CFDP1: variants seen among roughly 807,000 people sequenced by gnomAD.
The protein encoded by CFDP1 is heterochromatin-stabilizing protein CFDP1.
A neutral mutation model predicts 40.1 loss-of-function variants in CFDP1; 31 were observed. The ratio of observed to expected loss-of-function variants is 0.77; its 90% CI spans 0.58 to 1.04. The LOEUF (loss-of-function observed/expected upper bound fraction) is 1.04. Among genes scored for constraint, CFDP1 ranks in the 50% least tolerant of loss-of-function variants. CFDP1 has a pLI of 0.00. For synonymous variants in CFDP1, 167 were observed against 120.0 expected, an observed-to-expected ratio of 1.39 and a Z score of -2.56; for missense variants, 423 against 343.4, an observed-to-expected ratio of 1.23 and a Z score of -1.83.
At chr16:75,347,678 C>CAA (rs1030599735) in intron 5 of CFDP1, among the ~76,000 whole-genome samples, 2 of 148,870 alleles carry the variant, frequency 1.3e-5, no homozygotes, top group African/African-American at 4.9e-5. Context: ...GACTCCGTCT[C>CAA]AAAAAAAAAG....
intron 4 of CFDP1, among the ~76,000 whole-genome samples, chr16:75,403,092 C>T (rs374880876): frequency 4.2e-4 from 64 of 152,218 alleles, no homozygotes; most frequent in African/African-American, 1.4e-3. Context: ...AAACAGCAGA[C>T]GCCCTGAATA....
chr16:75,361,489 C>T (rs547557023), intron 5 of CFDP1, among the ~76,000 whole-genome samples: 38 of 152,096 alleles, frequency 2.5e-4, no homozygotes, highest in South Asian at 1.0e-3. Flanking sequence ...TGGTGCCGCA[C>T]GCCTGTAATC....
chr16:75,299,952 G>C lies in CFDP1; in HGVS notation c.809+5072C>G, dbSNP rs1460461509. On this transcript the variant is annotated intron_variant, in intron 6 of 6. Coordinates refer to ENST00000283882, the MANE Select transcript of CFDP1 (RefSeq NM_006324.3). ...AGGAGCACTACACAGAGACAGTGAG[G>C]CTGGGCTGCAGCGAGCTGGGGGAGA... Among the ~76,000 whole-genome samples, 6 of 152,166 alleles carry C rather than the reference G, an allele frequency of 3.9e-5. No individual in the cohort carries two copies. In the East Asian group the frequency reaches 9.7e-4, roughly 24 times the overall value.
At chr16:75,417,443 G>C (rs1209435506) in intron 1 of CFDP1, among the ~76,000 whole-genome samples, 1 of 152,014 alleles carries the variant, frequency 6.6e-6, no homozygotes, top group Non-Finnish European at 1.5e-5. Context: ...ATACTCTTAA[G>C]TTAAACAGAA....
At chr16:75,345,956 T>C (rs1567652181) in intron 5 of CFDP1, among the ~76,000 whole-genome samples, 1 of 152,172 alleles carries the variant, frequency 6.6e-6, no homozygotes, top group Non-Finnish European at 1.5e-5. Flanking sequence ...CTTCTAGATA[T>C]GAGGTCTGAG....
chr16:75,354,381 T>C (rs768899754), intron 5 of CFDP1, among the ~76,000 whole-genome samples: 3 of 152,114 alleles, frequency 2.0e-5, no homozygotes, highest in African/African-American at 7.2e-5. Context: ...GAGAAGAAAG[T>C]TGAAAGAGAT....
chr16:75,356,851 C>T (rs1394302805), intron 5 of CFDP1, among the ~76,000 whole-genome samples: 8 of 152,012 alleles, frequency 5.3e-5, no homozygotes, highest in South Asian at 4.2e-4. Context: ...CTGCAGCTTC[C>T]GCATCAGAAC....
At chr16:75,355,786 C>T (rs866320642) in intron 5 of CFDP1, among the ~76,000 whole-genome samples, 33 of 152,202 alleles carry the variant, frequency 2.2e-4, no homozygotes, top group Admixed American at 6.5e-4. Context: ...TCTCCTGCCA[C>T]CCTGTGAAGA....
At chr16:75,395,296 A>C (rs1248892444) in intron 4 of CFDP1, 87 bp from the exon 5 acceptor site, 1 of 1,374,974 alleles carries the variant, frequency 7.3e-7, no homozygotes, top group Non-Finnish European at 1.0e-6. Context: ...AACTAGAAAA[A>C]GATCCACTCG....
chr16:75,414,781 C>T (rs955001082), intron 1 of CFDP1, 86 bp from the exon 2 acceptor site: 29 of 833,492 alleles, frequency 3.5e-5, no homozygotes, highest in South Asian at 2.5e-4. Flanking sequence ...GCTTTCACAC[C>T]GAGACATTTT....
At chr16:75,351,067 T>A (rs1041514197) in intron 5 of CFDP1, among the ~76,000 whole-genome samples, 2 of 152,116 alleles carry the variant, frequency 1.3e-5, no homozygotes, top group Non-Finnish European at 2.9e-5. Flanking sequence ...ATACATACAA[T>A]AGGTCAATGT....
chr16:75,417,161 C>A (rs1399986931), intron 1 of CFDP1, among the ~76,000 whole-genome samples: 1 of 151,902 alleles, frequency 6.6e-6, no homozygotes, highest in East Asian at 1.9e-4. Context: ...ACAGTGAGAC[C>A]CTGTCTCAAA....
At chr16:75,385,705 C>G (rs1290305517) in intron 5 of CFDP1, among the ~76,000 whole-genome samples, 1 of 152,052 alleles carries the variant, frequency 6.6e-6, no homozygotes, top group Non-Finnish European at 1.5e-5. Flanking sequence ...GACGAGCTAT[C>G]TTTTCAGGTG....
intron 5 of CFDP1, among the ~76,000 whole-genome samples, chr16:75,370,601 G>A (rs961770055): frequency 1.3e-5 from 2 of 152,032 alleles, no homozygotes; most frequent in Admixed American, 6.5e-5. Flanking sequence ...AGTAGCTGAC[G>A]CCTGTAATCC....
At chr16:75,393,780 C>T (rs1029151741) in intron 5 of CFDP1, among the ~76,000 whole-genome samples, 1 of 127,744 alleles carries the variant, frequency 7.8e-6, no homozygotes, top group Non-Finnish European at 1.6e-5. Context: ...AAAAGTGGGG[C>T]CGGGCCCGGT....
At chr16:75,326,836 C>T (rs8050662) in intron 5 of CFDP1, among the ~76,000 whole-genome samples, 129,046 of 152,176 alleles carry the variant, frequency 0.85, 54,868 homozygotes, top group Middle Eastern at 0.91. Context: ...GGGAAAGCAT[C>T]TTTCACCTAT....
intron 5 of CFDP1, among the ~76,000 whole-genome samples, chr16:75,338,473 A>C (rs1194280632): frequency 6.6e-6 from 1 of 152,200 alleles, no homozygotes; most frequent in Non-Finnish European, 1.5e-5. Context: ...CTTAAAGATG[A>C]GCATGATCTG....
chr16:75,297,146 T>TGTGTGTATGTG (rs1491503380), intron 6 of CFDP1, among the ~76,000 whole-genome samples: 1 of 132,988 alleles, frequency 7.5e-6, no homozygotes, highest in Non-Finnish European at 1.6e-5. Context: ...TTCCCATTTC[T>TGTGTGTATGTG]TGTGTGTGTG....
chr16:75,393,608 G>A (rs2078970506), intron 5 of CFDP1, among the ~76,000 whole-genome samples: 1 of 151,234 alleles, frequency 6.6e-6, no homozygotes, highest in Non-Finnish European at 1.5e-5. Flanking sequence ...GCGGGCGCCT[G>A]TAGTCCCAGC....
Sources: allele counts gnomAD v4.1 joint callset (sites outside exome capture counted in the v4.1 genomes callset), GRCh38; gene constraint gnomAD v4.1.1; transcripts MANE v1.5; gene names NCBI Gene and HGNC (gene_info 2026-07-23, HGNC 2026-07-21).